Variants in PLEKHG2 observed in about 807,000 individuals in gnomAD.
PLEKHG2 encodes pleckstrin homology domain-containing family G member 2.
In PLEKHG2, 71 loss-of-function variants were observed where a neutral mutation model predicts 104.4. That is an observed-to-expected ratio of 0.68 (90% CI 0.56 to 0.83). PLEKHG2 has a LOEUF of 0.83. PLEKHG2 is among the 40% of genes least tolerant of loss of function. PLEKHG2 has a pLI of 0.00. For synonymous variants in PLEKHG2, 728 were observed against 737.0 expected (o/e 0.99, Z 0.20); for missense variants, 1,730 against 1,809.4 (o/e 0.96, Z 0.80).
rs1238620667 is a variant in PLEKHG2, at chr19:39,425,233, C to G, written c.4100C>G (p.Thr1367Arg). Residue 1367 changes from threonine to arginine, a missense_variant, in exon 19 of 19, where the codon ACA becomes AGA. Physicochemically the swap from Thr to Arg is moderately conservative, Grantham distance 71. Coordinates refer to ENST00000425673, the MANE Select transcript of PLEKHG2 (RefSeq NM_022835.3). ...RLNHPALLAS[T>R]QESMGLHRAQ... ...AACCACCCTGCTCTCTTGGCCTCCA[C>G]ACAGGAATCTATGGGCCTTCACAGG... The G allele has an allele frequency of 2.7e-5, 43 of 1,613,430 alleles. No homozygotes were observed. Among genetic ancestry groups the G allele is most frequent in the Non-Finnish European group, 3.6e-5 (42 of 1,180,008 alleles).
intron 18 of PLEKHG2, 36 bp from the exon 19 acceptor site, chr19:39,423,697 G>A: frequency 3.8e-6 from 6 of 1,580,044 alleles, no homozygotes; most frequent in Non-Finnish European, 5.2e-6. Context: ...CCCCGCTGGA[G>A]TAGTGGTCCT....
At chr19:39,420,313 C>T (rs575125151) in intron 11 of PLEKHG2, among the ~76,000 whole-genome samples, 5 of 151,732 alleles carry the variant, frequency 3.3e-5, no homozygotes, top group South Asian at 4.2e-4. Flanking sequence ...GAGCCGAAAT[C>T]GCGCCTTTGC....
In PLEKHG2 at chr19:39,424,745, A is replaced by G; in HGVS notation, c.3612A>G (p.Ile1204Met). Residue 1204 changes from isoleucine to methionine, a missense_variant, in exon 19 of 19, where the codon ATA becomes ATG. Transcript: ENST00000425673. ...CTTCGTTGGAGCAGAAGAGCCTCAT[A>G]GATGCCCATGTTCCAGCTGCCACAC... ...LTPSLEQKSL[I>M]DAHVPAATPL... The G allele has an allele frequency of 1.2e-6, 2 of 1,614,220 alleles. No individual in the cohort carries two copies. The highest frequency in any genetic ancestry group is 1.7e-6 in the Non-Finnish European group (2 of 1,180,042).
At position 39,423,137 on chromosome 19, in the gene PLEKHG2, C is replaced by T. The variant is rs763772451; in HGVS notation, c.2083C>T (p.Leu695Phe). 1.4e-5 allele frequency: 23 copies of T among 1,613,742 alleles called. No individual in the cohort carries two copies. Among genetic ancestry groups the T allele is most frequent in the Non-Finnish European group, 1.9e-5 (23 of 1,179,784 alleles). Residue 695 changes from leucine (L) to phenylalanine (F), a missense_variant, in exon 18 of 19, where the codon CTC becomes TTC. Coordinates refer to ENST00000425673, the MANE Select transcript of PLEKHG2 (RefSeq NM_022835.3). ...TCCCACCCTCTCCTGTGACTCCTGG[C>T]TCCAAGGGCCTCTGCAGGAACCAGC... Reference protein sequence around the residue: ...STPTLSCDSWLQGPLQEPAEA... With the variant: ...STPTLSCDSWFQGPLQEPAEA...
In PLEKHG2 at chr19:39,418,105, C is replaced by T. The variant is rs561902803; in HGVS notation, c.1083C>T (p.Phe361=). 2.2e-5 allele frequency: 33 copies of T among 1,500,462 alleles called. No individual in the cohort carries two copies. Among genetic ancestry groups the T allele is most frequent in the Middle Eastern group, 4.1e-4 (2 of 4,936 alleles). 92.9% of individuals were successfully genotyped at this position (1,500,462 alleles called of 1,614,324 possible). A position where few individuals can be genotyped will look rare whatever the true frequency, so the allele number is the denominator to read the frequency against. The stretch of plus-strand genomic sequence containing the variant: ...AGTACACCTACAAAGGCCACATCTT[C>T]GTGAGTTTGGGGATGGGGTGGGGCT... ...GLEYTYKGHI[F]CCNLSVSESP... is the part of the protein sequence containing the mutation. The change falls in exon 9 of 19, where the codon TTC becomes TTT. Residue 361 remains phenylalanine (F), a splice_region_variant and synonymous_variant. Coordinates refer to ENST00000425673, the MANE Select transcript of PLEKHG2 (RefSeq NM_022835.3).
In PLEKHG2 at chr19:39,418,784, G is replaced by C. The variant is rs773266798; in HGVS notation, c.1134G>C (p.Lys378Asn). The change falls in exon 10 of 19, where the codon AAG (lysine) becomes AAC (asparagine). Residue 378 changes from lysine (K) to asparagine (N), a missense_variant. Lys to Asn is a moderately conservative substitution (Grantham distance 94). Coordinates refer to ENST00000425673, the MANE Select transcript of PLEKHG2 (RefSeq NM_022835.3). Reference protein sequence around the residue: ...SESPRDPLGFKVSDLTIPKHR... With the variant: ...SESPRDPLGFNVSDLTIPKHR... ...GTCCCCGAGACCCTCTAGGGTTCAA[G>C]GTGTCTGATCTGACCATTCCCAAGC... The C allele has an allele frequency of 5.0e-6, 8 of 1,612,972 alleles. No homozygotes were observed. Among genetic ancestry groups the C allele is most frequent in the African/African-American group, 1.3e-5 (1 of 74,838 alleles).
chr19:39,421,649 A>G, intron 16 of PLEKHG2: 1 of 380,308 alleles, frequency 2.6e-6, no homozygotes, highest in Non-Finnish European at 4.9e-6. Context: ...GGGACACACC[A>G]CTGCACTCCA....
In PLEKHG2 at chr19:39,423,163, T is replaced by G; in HGVS notation, c.2109T>G (p.Ala703=). The change falls in exon 18 of 19, where the codon GCT becomes GCG. Residue 703 remains alanine (A), a synonymous_variant. Coordinates refer to ENST00000425673, the MANE Select transcript of PLEKHG2 (RefSeq NM_022835.3). The part of the protein sequence containing the change: ...SWLQGPLQEP[A]EAPATRRELF... The stretch of plus-strand genomic sequence containing the variant: ...TCCAAGGGCCTCTGCAGGAACCAGC[T>G]GAGGCTCCAGCCACCAGGAGAGAAC... 6.2e-7 allele frequency: 1 copy of G among 1,613,204 alleles called. No homozygotes were observed. Among genetic ancestry groups the G allele is most frequent in the Non-Finnish European group, 8.5e-7 (1 of 1,179,402 alleles).
rs1490694529 is a variant in PLEKHG2 at position 39,413,132 on chromosome 19, C to T, written c.-303C>T. On this transcript the variant is annotated 5_prime_UTR_variant, in exon 1 of 19. Transcript: ENST00000425673. This position sits in a 1 kb window ranked among gnomAD's most constrained non-coding sequence, Gnocchi z 4.5. ...CTAGAATTAGGGGAACTCAGAAATC[C>T]ATCCCCCACCCCACGGCCCTACCTA... 6.6e-6 allele frequency: 1 copy of T among 152,230 alleles called. No homozygotes were observed. Among genetic ancestry groups the T allele is most frequent in the African/African-American group, 2.4e-5 (1 of 41,442 alleles). 9.4% of individuals were successfully genotyped at this position (152,230 alleles called of 1,614,324 possible).
intron 7 of PLEKHG2, 58 bp downstream of exon 7, chr19:39,417,058 C>G: frequency 6.6e-7 from 1 of 1,518,192 alleles, no homozygotes; most frequent in Non-Finnish European, 8.8e-7. Flanking sequence ...CCTTGACCAC[C>G]TGTTGGTTCA....
chr19:39,421,247 C>G (rs773218477), intron 15 of PLEKHG2, 36 bp from the exon 16 acceptor site: 23 of 1,613,666 alleles, frequency 1.4e-5, no homozygotes, highest in Non-Finnish European at 1.9e-5. Context: ...TTACATCTCA[C>G]TAATGCTTCT....
At chr19:39,418,231 G>A (rs1013335642) in intron 9 of PLEKHG2, 126 bp downstream of exon 9, 8 of 818,608 alleles carry the variant, frequency 9.8e-6, no homozygotes, top group African/African-American at 5.4e-5. Context: ...GAGAATGGAA[G>A]CCAAGGGAAG....
At position 39,416,616 on chromosome 19, in the gene PLEKHG2, TGCTGGGCCTCAG is replaced by T; in HGVS notation, c.593+24_593+35del. On this transcript the variant is annotated intron_variant, in intron 6 of 18. Coordinates refer to ENST00000425673, the MANE Select transcript of PLEKHG2 (RefSeq NM_022835.3). The surrounding 1 kb of genome is among the most constrained non-coding windows in gnomAD (Gnocchi z 4.5). Reference sequence around the variant, plus strand: ...ACCCGAGGTGAGGGGCAGGAGCCCCTGCTGGGCCTCAGGCTGTGCCCACAAGCTGATGTGCCA... The same window carrying T: ...ACCCGAGGTGAGGGGCAGGAGCCCCTGCTGTGCCCACAAGCTGATGTGCCA... 6.2e-7 allele frequency: 1 copy of T among 1,613,556 alleles called. No individual in the cohort carries two copies.
At position 39,421,089 on chromosome 19, in the gene PLEKHG2, C is replaced by T. The variant is rs1600659353; in HGVS notation, c.1462C>T (p.Pro488Ser). ...GRRQSEPVKD[P>S]YVMFPQNAKP... ...CCTCCCCGCAGAGCCGGTGAAGGAC[C>T]CTTATGTCATGTTCCCACAGAACGG... The change falls in exon 15 of 19, where the codon CCT becomes TCT. Residue 488 changes from proline to serine, a missense_variant. By Grantham distance (74) the Pro-to-Ser change is moderately conservative. Transcript: ENST00000425673. 1.2e-6 allele frequency: 2 copies of T among 1,614,042 alleles called. No individual in the cohort carries two copies. The highest frequency in any genetic ancestry group is 2.2e-5 in the East Asian group (1 of 44,870).
intron 11 of PLEKHG2, among the ~76,000 whole-genome samples, chr19:39,420,048 C>T (rs554349432): frequency 9.2e-5 from 14 of 151,554 alleles, no homozygotes; most frequent in Middle Eastern, 6.9e-3. Flanking sequence ...AGCGAAACTC[C>T]GTCTCAAAAA....
In PLEKHG2 at chr19:39,417,011, GC is replaced by G; in HGVS notation, c.744+15del. ...CATCTGCTGCTGCAGGTCAGCTGGG[GC>G]CCCTGGAGCCAGGCTGGGGAGGGGG... On this transcript the variant is annotated intron_variant, in intron 7 of 18. Coordinates refer to ENST00000425673, the MANE Select transcript of PLEKHG2 (RefSeq NM_022835.3). 6.3e-7 allele frequency: 1 copy of G among 1,589,942 alleles called. No homozygotes were observed. The highest frequency in any genetic ancestry group is 8.6e-7 in the Non-Finnish European group (1 of 1,165,194).
intron 8 of PLEKHG2, 64 bp downstream of exon 8, chr19:39,417,756 T>TGGGG: frequency 2.9e-6 from 1 of 343,354 alleles, no homozygotes; most frequent in Non-Finnish European, 4.4e-6. Flanking sequence ...TTGGGGCGGG[T>TGGGG]GGGGGGAAAT....
Position 39,416,494 on chromosome 19 carries a change from A to AG in PLEKHG2, c.547-51dup. On this transcript the variant is annotated intron_variant, in intron 5 of 18. Coordinates refer to ENST00000425673, the MANE Select transcript of PLEKHG2 (RefSeq NM_022835.3). This position sits in a 1 kb window ranked among gnomAD's most constrained non-coding sequence, Gnocchi z 4.5. ...GAGAGCAGGCTTGGGCTAGGCTGGA[A>AG]GGGGGGTCGTGGGAAGCCAGGACCT... The AG allele has an allele frequency of 1.9e-6, 3 of 1,549,072 alleles. No homozygotes were observed. The highest frequency in any genetic ancestry group is 2.7e-6 in the Non-Finnish European group (3 of 1,123,412).
intron 2 of PLEKHG2, among the ~76,000 whole-genome samples, chr19:39,414,668 TG>T (rs1267504498): frequency 2.0e-5 from 3 of 152,154 alleles, no homozygotes; most frequent in Non-Finnish European, 4.4e-5. Flanking sequence ...CAGTGCCCTG[TG>T]GATCTGAGGA....
Sources: gnomAD v4.1 joint callset for allele counts (sites outside exome capture counted in the v4.1 genomes callset) on GRCh38, gnomAD v4.1.1 for gene constraint, Gnocchi (gnomAD v3.1) non-coding constraint, MANE v1.5 for transcripts, NCBI Gene and HGNC (gene_info 2026-07-23, HGNC 2026-07-21) for gene names.